MMP26: variants seen among roughly 807,000 people sequenced by gnomAD.
The protein encoded by MMP26 is matrix metalloproteinase-26.
In MMP26, 33 loss-of-function variants were observed where a neutral mutation model predicts 31.0. The ratio of observed to expected loss-of-function variants is 1.06; its 90% CI spans 0.81 to 1.42. The LOEUF is 1.42. Among genes scored for constraint, MMP26 ranks in the 40% most tolerant of loss-of-function variants. MMP26 has a pLI of 0.00. For missense variants in MMP26, 347 were observed against 316.1 expected, an observed-to-expected ratio of 1.10 and a Z score of -0.74; for synonymous variants, 122 against 114.9, an observed-to-expected ratio of 1.06 and a Z score of -0.40.
intron 1 of MMP26, among the ~76,000 whole-genome samples, chr11:4,747,305 G>T (rs1264066116): frequency 6.6e-6 from 1 of 152,022 alleles, no homozygotes; most frequent in African/African-American, 2.4e-5. Context: ...AGGAATTCTG[G>T]GTAATGAGCA....
chr11:4,745,390 A>G (rs1213627115), intron 1 of MMP26, among the ~76,000 whole-genome samples: 1 of 152,230 alleles, frequency 6.6e-6, no homozygotes, highest in Non-Finnish European at 1.5e-5. Flanking sequence ...TCATCCCAGA[A>G]CTAGTAAAAC....
intron 2 of MMP26, chr11:4,947,533 C>T (rs112090830): frequency 0.028 from 3,850 of 135,612 alleles, 1,012 homozygotes; most frequent in Middle Eastern, 0.053. Context: ...ATGAGAATAC[C>T]TGGGTACTTA....
In MMP26 at chr11:4,787,660, C is replaced by T. The variant is rs147169850; in HGVS notation, c.-145+20319C>T. 1.5e-3 allele frequency: 233 copies of T among 152,370 alleles called. 1 individual carries two copies. The highest frequency in any genetic ancestry group is 5.1e-3 in the African/African-American group (212 of 41,578). 9.4% of individuals were successfully genotyped at this position (152,370 alleles called of 1,614,324 possible). On this transcript the variant is annotated intron_variant, in intron 2 of 7. Transcript: ENST00000380390. ...ATAGTGTGAAGACTAAACAAATCCG[C>T]AGGGCTATCCTCAAACTCTTTCAAA... is the stretch of plus-strand genomic sequence containing the variant.
chr11:4,706,173 C>T (rs1477826174), intron 1 of MMP26, among the ~76,000 whole-genome samples: 1 of 152,102 alleles, frequency 6.6e-6, no homozygotes, highest in African/African-American at 2.4e-5. Context: ...AATACATTAC[C>T]ACTAATTTTA....
intron 2 of MMP26, among the ~76,000 whole-genome samples, chr11:4,936,615 C>G (rs2133596342): frequency 6.6e-6 from 1 of 152,202 alleles, no homozygotes; most frequent in East Asian, 1.9e-4. Flanking sequence ...AAAAGATAAT[C>G]TCTAGAGAGT....
chr11:4,723,240 G>A (rs189327030), intron 1 of MMP26: 3 of 1,262,538 alleles, frequency 2.4e-6, no homozygotes, highest in South Asian at 1.2e-5. Flanking sequence ...GCCTGGAGCC[G>A]GCTGATGTTC....
intron 2 of MMP26, among the ~76,000 whole-genome samples, chr11:4,805,473 C>T (rs1021371697): frequency 3.2e-4 from 49 of 152,164 alleles, no homozygotes; most frequent in African/African-American, 1.2e-3. Context: ...GTGGTGTGTT[C>T]CAATAAACCT....
chr11:4,746,662 C>G (rs561495310), intron 1 of MMP26, among the ~76,000 whole-genome samples: 1 of 152,154 alleles, frequency 6.6e-6, no homozygotes, highest in South Asian at 2.1e-4. Flanking sequence ...GGTGAAACCC[C>G]GTCTCTGCTA....
intron 1 of MMP26, among the ~76,000 whole-genome samples, chr11:4,727,287 C>T (rs538946822): frequency 1.7e-4 from 26 of 152,256 alleles, no homozygotes; most frequent in Non-Finnish European, 3.1e-4. Context: ...CAATCAGTAT[C>T]ACTTCTTTCT....
intron 1 of MMP26, among the ~76,000 whole-genome samples, chr11:4,739,690 T>A (rs77995957): frequency 6.6e-6 from 1 of 152,134 alleles, no homozygotes; most frequent in African/African-American, 2.4e-5. Context: ...TAGGACTGCA[T>A]GTTGTATTGT....
chr11:4,804,922 C>A (rs111751792), intron 2 of MMP26, among the ~76,000 whole-genome samples: 22,887 of 150,500 alleles, frequency 0.15, 1,841 homozygotes, highest in Middle Eastern at 0.21. Flanking sequence ...GTGAGCTGAG[C>A]TCACACCACT....
At chr11:4,723,175 ATCTGCGATGGCGGCCTCCAGGGAAGCCC>A in intron 1 of MMP26, 3 of 1,594,412 alleles carry the variant, frequency 1.9e-6, no homozygotes, top group Non-Finnish European at 2.6e-6. Flanking sequence ...GCTGCTCGGC[ATCTGCGATGGCGGCCTCCAGGGAAGCCC>A]TCTGGCCTTT....
intron 2 of MMP26, among the ~76,000 whole-genome samples, chr11:4,838,783 C>T (rs1849756236): frequency 6.6e-6 from 1 of 151,832 alleles, no homozygotes; most frequent in African/African-American, 2.4e-5. Context: ...CACCAATTGT[C>T]CCCCCACCAC....
chr11:4,882,119 T>G (rs1377163120), intron 2 of MMP26: 1 of 1,613,984 alleles, frequency 6.2e-7, no homozygotes, highest in Non-Finnish European at 8.5e-7. Context: ...TGTTGATCTA[T>G]GTCTGACCAT....
rs112234810 is a variant in MMP26, at chr11:4,857,066, T to C, written c.-145+89725T>C. 3.6e-3 allele frequency among the ~76,000 whole-genome samples: 549 copies of C among 152,198 alleles called. 5 individuals are homozygous for C. Among genetic ancestry groups the C allele is most frequent in the African/African-American group, 0.012 (514 of 41,514 alleles). Reference sequence around the variant, plus strand: ...CATACCAGAATCTCTGGGACACATTTAAAGCAGTGTGTAGAGGGAAATTTA... The same window carrying C: ...CATACCAGAATCTCTGGGACACATTCAAAGCAGTGTGTAGAGGGAAATTTA... On this transcript the variant is annotated intron_variant, in intron 2 of 7. Transcript: ENST00000380390.
At chr11:4,879,866 G>C (rs1564799120) in intron 2 of MMP26, among the ~76,000 whole-genome samples, 2 of 152,120 alleles carry the variant, frequency 1.3e-5, no homozygotes, top group Non-Finnish European at 2.9e-5. Flanking sequence ...AGAACAATGG[G>C]ATGACTCTTT....
At chr11:4,834,142 C>T (rs1326648767) in intron 2 of MMP26, among the ~76,000 whole-genome samples, 3 of 152,130 alleles carry the variant, frequency 2.0e-5, no homozygotes, top group Non-Finnish European at 4.4e-5. Flanking sequence ...CTCAACACAG[C>T]ACTCTCTCCT....
intron 2 of MMP26, among the ~76,000 whole-genome samples, chr11:4,900,872 A>G (rs986601687): frequency 6.6e-6 from 1 of 152,142 alleles, no homozygotes; most frequent in East Asian, 1.9e-4. Flanking sequence ...TCTTTTTTAT[A>G]CAAAGAGGAT....
intron 1 of MMP26, among the ~76,000 whole-genome samples, chr11:4,758,405 C>T (rs1290092072): frequency 2.1e-5 from 3 of 143,492 alleles, no homozygotes; most frequent in East Asian, 2.0e-4. Context: ...ACTTTTAAAC[C>T]GGTATAAATA....
Sources: allele counts gnomAD v4.1 joint callset (sites outside exome capture counted in the v4.1 genomes callset), GRCh38; gene constraint gnomAD v4.1.1; transcripts MANE v1.5; gene names NCBI Gene and HGNC (gene_info 2026-07-23, HGNC 2026-07-21).